Variants in TBXAS1 observed in about 807,000 individuals in gnomAD.
TBXAS1 encodes the protein thromboxane A synthase 1.
In TBXAS1, 48 loss-of-function variants were observed where a neutral mutation model predicts 60.7. The ratio of observed to expected loss-of-function variants is 0.79; its 90% CI spans 0.63 to 1.01. The LOEUF is 1.01. Among genes scored for constraint, TBXAS1 ranks in the 50% least tolerant of loss-of-function variants. The pLI is 0.00. For synonymous variants in TBXAS1, 287 were observed against 269.7 expected (o/e 1.06, Z -0.63); for missense variants, 685 against 686.3 (o/e 1.00, Z 0.02).
intron 5 of TBXAS1, among the ~76,000 whole-genome samples, chr7:139,949,336 A>G (rs750222214): frequency 2.6e-5 from 4 of 152,262 alleles, no homozygotes; most frequent in Non-Finnish European, 5.9e-5. Flanking sequence ...GTAGATAGAT[A>G]GACAGATTTT....
At chr7:139,998,325 T>C (rs995128183) in intron 9 of TBXAS1, among the ~76,000 whole-genome samples, 3 of 152,190 alleles carry the variant, frequency 2.0e-5, no homozygotes, top group Non-Finnish European at 4.4e-5. Context: ...CATTGAGCTC[T>C]AAGTTTGTGT....
At chr7:139,934,899 G>A (rs181864652) in intron 4 of TBXAS1, among the ~76,000 whole-genome samples, 5 of 152,126 alleles carry the variant, frequency 3.3e-5, no homozygotes, top group Admixed American at 1.3e-4. Flanking sequence ...TGCAACCTCC[G>A]CCTCCTGGGT....
chr7:139,952,694 T>C (rs1244962757), intron 5 of TBXAS1: 6 of 1,513,058 alleles, frequency 4.0e-6, no homozygotes, highest in African/African-American at 1.4e-5. Context: ...TCTGTGTAAG[T>C]TAGGAATTTT....
intron 5 of TBXAS1, among the ~76,000 whole-genome samples, chr7:139,951,839 GAAA>G (rs1809327814): frequency 6.1e-5 from 1 of 16,496 alleles, no homozygotes; most frequent in Non-Finnish European, 1.3e-4. Context: ...AGGAAAGAAA[GAAA>G]GAAGGAAGGA....
chr7:139,904,997 C>CTTTTTCTT (rs1292195756), intron 3 of TBXAS1, among the ~76,000 whole-genome samples: 93 of 93,172 alleles, frequency 1.0e-3, no homozygotes, highest in South Asian at 5.1e-3. Flanking sequence ...CTCTCTTTCT[C>CTTTTTCTT]TCTTTCTCTC....
At chr7:139,936,153 C>A in intron 4 of TBXAS1, 38 bp from the exon 5 acceptor site, 2 of 1,610,344 alleles carry the variant, frequency 1.2e-6, no homozygotes, top group Non-Finnish European at 1.7e-6. Flanking sequence ...GGCTTTGGCT[C>A]CCTGAGTCCT....
At chr7:139,905,024 T>TC (rs1804909456) in intron 3 of TBXAS1, among the ~76,000 whole-genome samples, 3 of 80,636 alleles carry the variant, frequency 3.7e-5, no homozygotes, top group African/African-American at 2.0e-4. Flanking sequence ...TCTTTCTTTC[T>TC]TTCTTTCTTT....
chr7:139,899,138 G>T (rs1804365749), intron 3 of TBXAS1, among the ~76,000 whole-genome samples: 1 of 152,076 alleles, frequency 6.6e-6, no homozygotes, highest in Non-Finnish European at 1.5e-5. Context: ...TGTAAGCCAG[G>T]GGTCTGACAC....
At chr7:140,016,054 C>T (rs1192403439) in intron 11 of TBXAS1, among the ~76,000 whole-genome samples, 194 bp downstream of exon 11, 2 of 151,908 alleles carry the variant, frequency 1.3e-5, no homozygotes, top group African/African-American at 4.9e-5. Flanking sequence ...TTTAGCCACG[C>T]GTGGTGGCTC....
intron 4 of TBXAS1, among the ~76,000 whole-genome samples, chr7:139,790,603 G>T (rs73735628): frequency 0.064 from 9,692 of 152,244 alleles, 1,025 homozygotes; most frequent in African/African-American, 0.22. Context: ...AATCAAGCTT[G>T]CATTGTGATC....
At chr7:139,800,614 C>T (rs111994325) in intron 4 of TBXAS1, among the ~76,000 whole-genome samples, 10 of 152,298 alleles carry the variant, frequency 6.6e-5, no homozygotes, top group African/African-American at 9.6e-5. Context: ...CCTGAAGCTC[C>T]GAAAGACCCC....
intron 9 of TBXAS1, among the ~76,000 whole-genome samples, chr7:139,973,330 A>G (rs532196040): frequency 1.2e-4 from 18 of 152,266 alleles, no homozygotes; most frequent in African/African-American, 4.1e-4. Flanking sequence ...CTAAATCAGC[A>G]AATTAATAGC....
chr7:139,831,554 G>A (rs1029428174), intron 1 of TBXAS1, among the ~76,000 whole-genome samples: 1 of 152,246 alleles, frequency 6.6e-6, no homozygotes, highest in Non-Finnish European at 1.5e-5. Flanking sequence ...ATTAAACATT[G>A]CAGCACATTA....
intron 3 of TBXAS1, among the ~76,000 whole-genome samples, chr7:139,786,164 G>C (rs143885569): frequency 5.3e-5 from 8 of 151,072 alleles, no homozygotes; most frequent in Non-Finnish European, 8.9e-5. Context: ...CTTTTAACTG[G>C]ATGATGATAA....
intron 4 of TBXAS1, among the ~76,000 whole-genome samples, chr7:139,931,291 A>T (rs2117161440): frequency 6.6e-6 from 1 of 152,184 alleles, no homozygotes; most frequent in South Asian, 2.1e-4. Flanking sequence ...GAAGCCCTTG[A>T]CCAGAGAGTG....
At chr7:139,890,378 G>C (rs1021498887) in intron 3 of TBXAS1, among the ~76,000 whole-genome samples, 14 of 152,134 alleles carry the variant, frequency 9.2e-5, no homozygotes, top group Admixed American at 7.2e-4. Flanking sequence ...ACTGCGCCCG[G>C]CTAATTTTTT....
chr7:139,912,255 A>G (rs943721837), intron 4 of TBXAS1, among the ~76,000 whole-genome samples: 1 of 152,174 alleles, frequency 6.6e-6, no homozygotes, highest in African/African-American at 2.4e-5. Context: ...AAAAAATTAA[A>G]TAAATAAATA....
chr7:139,925,413 A>G (rs992319694), intron 4 of TBXAS1, among the ~76,000 whole-genome samples: 3 of 152,118 alleles, frequency 2.0e-5, no homozygotes, highest in East Asian at 1.9e-4. Flanking sequence ...GCTATTGTAA[A>G]TGGGATTGCT....
At chr7:139,830,270 G>C (rs907327884) in intron 1 of TBXAS1, among the ~76,000 whole-genome samples, 2 of 152,162 alleles carry the variant, frequency 1.3e-5, no homozygotes, top group Non-Finnish European at 2.9e-5. Context: ...AGGGCAAAGT[G>C]AGTGGAAAAA....
Sources: allele counts gnomAD v4.1 joint callset (sites outside exome capture counted in the v4.1 genomes callset), GRCh38; gene constraint gnomAD v4.1.1; transcripts MANE v1.5; gene names NCBI Gene and HGNC (gene_info 2026-07-23, HGNC 2026-07-21).